The following CDC42BPA variants were observed in gnomAD, a reference collection of about 807,000 sequenced individuals.
CDC42BPA encodes the protein CDC42 binding protein kinase alpha.
In CDC42BPA, 80 loss-of-function variants were observed where a neutral mutation model predicts 223.5. That is an observed-to-expected ratio of 0.36 (90% CI 0.30 to 0.43). The LOEUF (loss-of-function observed/expected upper bound fraction) is 0.43, where lower values mean the gene tolerates loss of function less well. Among genes scored for constraint, CDC42BPA ranks in the 20% least tolerant of loss-of-function variants. CDC42BPA has a pLI of 1.00. For missense variants in CDC42BPA, 1,743 were observed against 2,099.9 expected (o/e 0.83, Z 3.32); for synonymous variants, 694 against 718.6 (o/e 0.97, Z 0.55).
At chr1:227,274,406 A>G (rs1173560295) in intron 1 of CDC42BPA, among the ~76,000 whole-genome samples, 1 of 152,228 alleles carries the variant, frequency 6.6e-6, no homozygotes, top group African/African-American at 2.4e-5. Flanking sequence ...TTAAATGTGG[A>G]AATTTCAACT....
chr1:227,270,054 C>T (rs781780019), intron 1 of CDC42BPA, among the ~76,000 whole-genome samples: 8 of 152,070 alleles, frequency 5.3e-5, no homozygotes, highest in African/African-American at 1.2e-4. Context: ...ATATAAATTA[C>T]GGGATATCCA....
intron 16 of CDC42BPA, 58 bp from the exon 17 acceptor site, chr1:227,081,075 G>C: frequency 6.4e-7 from 1 of 1,569,078 alleles, no homozygotes; most frequent in South Asian, 1.1e-5. Flanking sequence ...GAGGTGTTCA[G>C]ACAGGTATTG....
intron 3 of CDC42BPA, among the ~76,000 whole-genome samples, chr1:227,203,687 T>A (rs756598237): frequency 6.6e-6 from 1 of 152,208 alleles, no homozygotes; most frequent in Non-Finnish European, 1.5e-5. Flanking sequence ...TCACTCACTT[T>A]CTCAACCAAA....
intron 11 of CDC42BPA, among the ~76,000 whole-genome samples, chr1:227,121,530 T>C (rs1201842227): frequency 6.6e-6 from 1 of 152,220 alleles, no homozygotes; most frequent in African/African-American, 2.4e-5. Flanking sequence ...AGTTAACTTT[T>C]GAAGATGTAA....
At chr1:227,125,146 A>G (rs929225819) in intron 11 of CDC42BPA, among the ~76,000 whole-genome samples, 2 of 152,066 alleles carry the variant, frequency 1.3e-5, no homozygotes, top group South Asian at 2.1e-4. Flanking sequence ...AAAGGGGTAG[A>G]CCAGAAAGAC....
chr1:227,127,906 C>G (rs188042308), intron 11 of CDC42BPA, among the ~76,000 whole-genome samples: 1 of 152,172 alleles, frequency 6.6e-6, no homozygotes, highest in East Asian at 1.9e-4. Context: ...CTAAAACTAC[C>G]TTTCTGGAGA....
At chr1:227,156,394 A>G (rs992167065) in intron 6 of CDC42BPA, among the ~76,000 whole-genome samples, 2 of 150,452 alleles carry the variant, frequency 1.3e-5, no homozygotes, top group South Asian at 4.3e-4. Flanking sequence ...GGCTCAAGCA[A>G]TTCTCCTGCC....
At chr1:227,175,341 A>G (rs1039192198) in intron 5 of CDC42BPA, among the ~76,000 whole-genome samples, 3 of 152,262 alleles carry the variant, frequency 2.0e-5, no homozygotes, top group South Asian at 4.1e-4. Flanking sequence ...CTAGATGAAG[A>G]AAACCTCCAG....
At chr1:227,163,844 A>T (rs1452048300) in intron 5 of CDC42BPA, among the ~76,000 whole-genome samples, 1 of 151,774 alleles carries the variant, frequency 6.6e-6, no homozygotes, top group Non-Finnish European at 1.5e-5. Flanking sequence ...CTCTTGTGTA[A>T]GTTTTAAAGT....
At chr1:227,170,461 A>G (rs1274143845) in intron 5 of CDC42BPA, among the ~76,000 whole-genome samples, 3 of 147,076 alleles carry the variant, frequency 2.0e-5, no homozygotes, top group Non-Finnish European at 4.5e-5. Flanking sequence ...GAGCAAAAAA[A>G]AAAAAGAAAA....
chr1:227,178,436 TAAGTCCA>T, intron 5 of CDC42BPA: 1 of 153,078 alleles, frequency 6.5e-6, no homozygotes, highest in African/African-American at 2.4e-5. Context: ...CGTGGAACTG[TAAGTCCA>T]ATTAAACCTC....
chr1:227,138,228 C>T (rs1285110293), intron 10 of CDC42BPA, among the ~76,000 whole-genome samples: 1 of 151,916 alleles, frequency 6.6e-6, no homozygotes, highest in African/African-American at 2.4e-5. Flanking sequence ...GATTATTTGT[C>T]CATAAATACA....
chr1:227,042,827 A>G (rs1459576768), intron 23 of CDC42BPA, among the ~76,000 whole-genome samples: 7 of 152,190 alleles, frequency 4.6e-5, no homozygotes. Flanking sequence ...AGATTATGTG[A>G]TCATTTGGAG....
At chr1:227,163,263 C>CATTAATTTTA (rs1337063812) in intron 5 of CDC42BPA, among the ~76,000 whole-genome samples, 1 of 151,552 alleles carries the variant, frequency 6.6e-6, no homozygotes, top group Non-Finnish European at 1.5e-5. Flanking sequence ...TGTTTTAATT[C>CATTAATTTTA]ATTAATTTTA....
intron 5 of CDC42BPA, among the ~76,000 whole-genome samples, chr1:227,175,614 C>T (rs1173266961): frequency 2.0e-5 from 3 of 152,120 alleles, no homozygotes; most frequent in African/African-American, 7.2e-5. Context: ...TTAATACAGG[C>T]ACATCTGATG....
intron 1 of CDC42BPA, among the ~76,000 whole-genome samples, chr1:227,258,176 G>GGAAAAA (rs368193166): frequency 9.2e-6 from 1 of 108,110 alleles, no homozygotes. Context: ...CCCTGTCCGG[G>GGAAAAA]AAAAAAAAAA....
intron 32 of CDC42BPA, among the ~76,000 whole-genome samples, chr1:227,019,146 T>C (rs541057699): frequency 6.6e-6 from 1 of 152,370 alleles, no homozygotes; most frequent in East Asian, 1.9e-4. Context: ...AAACCCTGCC[T>C]CTGCCCTATC....
intron 15 of CDC42BPA, among the ~76,000 whole-genome samples, chr1:227,093,295 G>C (rs1205939544): frequency 2.6e-5 from 4 of 152,334 alleles, no homozygotes; most frequent in African/African-American, 9.6e-5. Flanking sequence ...CATCCCATCA[G>C]AAGGTGCAAA....
chr1:227,005,357 A>G (rs961360644), intron 34 of CDC42BPA, among the ~76,000 whole-genome samples: 2 of 152,244 alleles, frequency 1.3e-5, no homozygotes, highest in African/African-American at 4.8e-5. Context: ...AGTAAAAAAC[A>G]GCATTTTTTT....
Sources: allele counts gnomAD v4.1 joint callset (sites outside exome capture counted in the v4.1 genomes callset), GRCh38; gene constraint gnomAD v4.1.1; transcripts MANE v1.5; gene names NCBI Gene and HGNC (gene_info 2026-07-23, HGNC 2026-07-21).